The following CSMD3 variants were observed in gnomAD, a reference collection of about 807,000 sequenced individuals.
CSMD3 encodes CUB and Sushi multiple domains 3.
In CSMD3, 177 loss-of-function variants were observed where a neutral mutation model predicts 435.2. That is an observed-to-expected ratio of 0.41 (90% CI 0.36 to 0.46). CSMD3 has a LOEUF of 0.46. CSMD3 is among the 20% of genes least tolerant of loss of function. The pLI is 0.34. For synonymous variants in CSMD3, 1,656 were observed against 1,520.5 expected, an observed-to-expected ratio of 1.09 and a Z score of -2.07; for missense variants, 4,265 against 4,504.6, an observed-to-expected ratio of 0.95 and a Z score of 1.52.
At chr8:112,404,050 T>A (rs1831557304) in intron 35 of CSMD3, among the ~76,000 whole-genome samples, 1 of 152,134 alleles carries the variant, frequency 6.6e-6, no homozygotes, top group South Asian at 2.1e-4. Context: ...ATATGCTAGG[T>A]ATATTTTTGG....
At chr8:112,628,570 A>T (rs1834683148) in intron 22 of CSMD3, among the ~76,000 whole-genome samples, 1 of 152,186 alleles carries the variant, frequency 6.6e-6, no homozygotes, top group Non-Finnish European at 1.5e-5. Flanking sequence ...CCTCTGGAGC[A>T]CAGCTTTGTT....
At chr8:113,032,817 C>A (rs1260740280) in intron 5 of CSMD3, among the ~76,000 whole-genome samples, 1 of 151,484 alleles carries the variant, frequency 6.6e-6, no homozygotes, top group Non-Finnish European at 1.5e-5. Flanking sequence ...CCATTCCAGG[C>A]CTAGGAGGAA....
chr8:112,995,165 T>G (rs928531635), intron 6 of CSMD3, among the ~76,000 whole-genome samples: 1 of 151,198 alleles, frequency 6.6e-6, no homozygotes, highest in Non-Finnish European at 1.5e-5. Flanking sequence ...AAGAGAAGAA[T>G]GGGAAAATAG....
At chr8:112,905,553 A>G (rs1384291709) in intron 10 of CSMD3, among the ~76,000 whole-genome samples, 1 of 151,386 alleles carries the variant, frequency 6.6e-6, no homozygotes, top group African/African-American at 2.4e-5. Context: ...TTTATTTTAC[A>G]ATTTTGGAAG....
intron 12 of CSMD3, among the ~76,000 whole-genome samples, chr8:112,816,349 C>A (rs7013313): frequency 0.29 from 44,342 of 151,862 alleles, 6,739 homozygotes; most frequent in Non-Finnish European, 0.32. Flanking sequence ...ATAGAGAAAA[C>A]GGCAGTAAGA....
At chr8:112,986,834 G>C (rs770840516) in intron 6 of CSMD3, among the ~76,000 whole-genome samples, 9 of 151,948 alleles carry the variant, frequency 5.9e-5, no homozygotes, top group Non-Finnish European at 1.3e-4. Context: ...TTTTTGACCT[G>C]TTAGTCTTTT....
At chr8:112,774,368 C>T (rs1342931826) in intron 13 of CSMD3, among the ~76,000 whole-genome samples, 1 of 151,950 alleles carries the variant, frequency 6.6e-6, no homozygotes, top group African/African-American at 2.4e-5. Flanking sequence ...GCTGATAGTA[C>T]CTACTTGTTT....
At chr8:113,107,277 T>C (rs2090507991) in intron 4 of CSMD3, among the ~76,000 whole-genome samples, 1 of 152,200 alleles carries the variant, frequency 6.6e-6, no homozygotes, top group Non-Finnish European at 1.5e-5. Flanking sequence ...CATTACACAA[T>C]ATGCCATGCC....
intron 7 of CSMD3, among the ~76,000 whole-genome samples, chr8:112,962,738 C>T (rs1330242399): frequency 6.6e-6 from 1 of 151,842 alleles, no homozygotes; most frequent in Non-Finnish European, 1.5e-5. Context: ...AATTTCATGG[C>T]TATTCAAAAT....
chr8:113,068,929 A>G (rs1286599337), intron 5 of CSMD3, among the ~76,000 whole-genome samples: 2 of 152,016 alleles, frequency 1.3e-5, no homozygotes, highest in East Asian at 3.9e-4. Context: ...TGCAAATCTT[A>G]ACAGCTATGA....
intron 13 of CSMD3, among the ~76,000 whole-genome samples, chr8:112,786,829 C>G (rs113484684): frequency 0.025 from 3,862 of 152,090 alleles, 79 homozygotes; most frequent in East Asian, 0.073. Flanking sequence ...TGGTGGTTTG[C>G]TGCATGCATA....
intron 5 of CSMD3, among the ~76,000 whole-genome samples, chr8:113,039,214 T>C (rs2087492601): frequency 6.6e-6 from 1 of 152,132 alleles, no homozygotes; most frequent in African/African-American, 2.4e-5. Flanking sequence ...TGTATTTGCA[T>C]TTTTTCCTAC....
chr8:113,193,867 T>C (rs535839961), intron 3 of CSMD3, among the ~76,000 whole-genome samples: 2 of 151,558 alleles, frequency 1.3e-5, no homozygotes, highest in South Asian at 2.1e-4. Context: ...TATAAATGTG[T>C]ACATAGACAA....
chr8:112,765,384 G>A (rs1014061404), intron 13 of CSMD3, among the ~76,000 whole-genome samples: 21 of 151,582 alleles, frequency 1.4e-4, no homozygotes, highest in African/African-American at 4.4e-4. Context: ...CTAAAACAAG[G>A]GAGGGATATA....
intron 1 of CSMD3, among the ~76,000 whole-genome samples, chr8:113,397,164 C>G (rs2094487391): frequency 6.6e-6 from 1 of 152,112 alleles, no homozygotes; most frequent in Non-Finnish European, 1.5e-5. Context: ...GCCTTACAAA[C>G]TAGCCTAATG....
At chr8:112,364,995 A>G (rs1827625801) in intron 38 of CSMD3, among the ~76,000 whole-genome samples, 1 of 152,102 alleles carries the variant, frequency 6.6e-6, no homozygotes, top group Non-Finnish European at 1.5e-5. Context: ...TATGTAACCA[A>G]TATATGTTCC....
At chr8:112,308,464 C>T (rs773283083) in intron 50 of CSMD3, among the ~76,000 whole-genome samples, 1 of 151,696 alleles carries the variant, frequency 6.6e-6, no homozygotes, top group Non-Finnish European at 1.5e-5. Context: ...AATTCCTGTG[C>T]CTATGGATAG....
At chr8:112,522,656 G>C (rs535038667) in intron 27 of CSMD3, among the ~76,000 whole-genome samples, 1 of 151,988 alleles carries the variant, frequency 6.6e-6, no homozygotes, top group African/African-American at 2.4e-5. Context: ...TTATTTTGAA[G>C]CCAGGAGATG....
At chr8:112,548,004 A>G (rs953814160) in intron 27 of CSMD3, among the ~76,000 whole-genome samples, 1 of 152,170 alleles carries the variant, frequency 6.6e-6, no homozygotes, top group East Asian at 1.9e-4. Context: ...TGAAGTGGCA[A>G]ACATGATCCC....
Sources: allele counts gnomAD v4.1 joint callset (sites outside exome capture counted in the v4.1 genomes callset), GRCh38; gene constraint gnomAD v4.1.1; transcripts MANE v1.5; gene names NCBI Gene and HGNC (gene_info 2026-07-23, HGNC 2026-07-21).